DOT1L: variants seen among roughly 807,000 people sequenced by gnomAD.
The protein encoded by DOT1L is histone-lysine N-methyltransferase, H3 lysine-79 specific.
DOT1L carries 33 observed loss-of-function variants against 153.3 expected under a neutral mutation model. That is an observed-to-expected ratio of 0.22 (90% confidence interval 0.16 to 0.29). The LOEUF (loss-of-function observed/expected upper bound fraction) is 0.29, where lower values mean the gene tolerates loss of function less well. Among genes scored for constraint, DOT1L ranks in the 10% least tolerant of loss-of-function variants. The pLI, the probability that DOT1L is intolerant of heterozygous loss-of-function variation, is 1.00. For synonymous variants in DOT1L, 1,135 were observed against 965.1 expected (o/e 1.18, Z -3.26); for missense variants, 1,847 against 2,119.9 (o/e 0.87, Z 2.53).
At chr19:2,184,957 C>T (rs942645284) in intron 2 of DOT1L, among the ~76,000 whole-genome samples, 9 of 152,138 alleles carry the variant, frequency 5.9e-5, no homozygotes, top group African/African-American at 1.2e-4. Context: ...CAGCCCTTTG[C>T]GTCTCTATGG....
intron 2 of DOT1L, among the ~76,000 whole-genome samples, chr19:2,181,331 T>G (rs933072577): frequency 6.6e-6 from 1 of 152,158 alleles, no homozygotes. Context: ...GCCACATGTG[T>G]CCATGTGGCC....
At chr19:2,223,683 G>A (rs932640436) in intron 25 of DOT1L, among the ~76,000 whole-genome samples, 197 bp downstream of exon 25, 7 of 152,192 alleles carry the variant, frequency 4.6e-5, no homozygotes, top group African/African-American at 7.2e-5. Context: ...CCGGCCTCCC[G>A]GGCCATTCGG....
rs1017937058 is a variant in DOT1L at position 2,229,099 on chromosome 19, C to T, written c.4607-686C>T. 2.7e-5 allele frequency: 27 copies of T among 985,456 alleles called. 1 individual carries two copies. The South Asian group carries it at 4.7e-4, about 17-fold the overall frequency. The allele number at this position is 985,456 out of a possible 1,614,324, so 61.0% of individuals were successfully genotyped here. ...GCTCAGATGTCAGCACCAAGCTGGG[C>T]AGGTTAGTGTAGACGGTGCCCACCT... On this transcript the variant is annotated intron_variant, in intron 27 of 27. Transcript: ENST00000398665.
At chr19:2,214,056 T>C in intron 18 of DOT1L, 70 bp downstream of exon 18, 6 of 1,543,562 alleles carry the variant, frequency 3.9e-6, no homozygotes, top group Non-Finnish European at 5.3e-6. Flanking sequence ...GTGTCCTCTG[T>C]GCGGGTGGGA....
At chr19:2,203,258 C>T (rs888849192) in intron 9 of DOT1L, among the ~76,000 whole-genome samples, 1 of 152,228 alleles carries the variant, frequency 6.6e-6, no homozygotes, top group Non-Finnish European at 1.5e-5. Context: ...TGCCACCATG[C>T]CTGGCTAATT....
At chr19:2,228,418 A>T (rs2024459241) in intron 27 of DOT1L, 1 of 1,247,140 alleles carries the variant, frequency 8.0e-7, no homozygotes, top group Admixed American at 2.7e-5. Flanking sequence ...CTCACTCCAG[A>T]CACTGAACTG....
rs147261988 is a variant in DOT1L, at chr19:2,186,270, C to T, written c.200+341C>T. Among the ~76,000 whole-genome samples, 307 of 152,316 alleles carry T rather than the reference C, an allele frequency of 2.0e-3. 1 individual carries two copies. Among genetic ancestry groups the T allele is most frequent in the African/African-American group, 6.5e-3 (272 of 41,570 alleles). Reference sequence around the variant, plus strand: ...CCTGAGGCTGCTGGGAGGGCCTGGGCGGCCTTAGGCTGCTTGGCAGCTCTG... The same window carrying T: ...CCTGAGGCTGCTGGGAGGGCCTGGGTGGCCTTAGGCTGCTTGGCAGCTCTG... On this transcript the variant is annotated intron_variant, in intron 3 of 27. Transcript: ENST00000398665.
chr19:2,197,512 C>G lies in DOT1L; in HGVS notation c.652-2372C>G, dbSNP rs906228525. Among the ~76,000 whole-genome samples the G allele has an allele frequency of 2.0e-5, 3 of 152,192 alleles. No individual in the cohort carries two copies. Among genetic ancestry groups the G allele is most frequent in the African/African-American group, 4.8e-5 (2 of 41,452 alleles). ...GGTGGGGCTGCCGCAGCACTGCTCC[C>G]CCTTCTGCCTCATCTTGTCAGCGTC... On this transcript the variant is annotated intron_variant, in intron 7 of 27. Coordinates refer to ENST00000398665, the MANE Select transcript of DOT1L (RefSeq NM_032482.3). The surrounding 1 kb of genome is among the most constrained non-coding windows in gnomAD (Gnocchi z 4.1).
intron 7 of DOT1L, among the ~76,000 whole-genome samples, chr19:2,196,522 G>A (rs1439806763): frequency 6.6e-6 from 1 of 152,156 alleles, no homozygotes; most frequent in Non-Finnish European, 1.5e-5. Flanking sequence ...TAGTAGGGAT[G>A]GAGTTTCACC....
In DOT1L at chr19:2,227,990, C is replaced by G. The variant is rs558552074; in HGVS notation, c.4606+863C>G. Reference sequence around the variant, plus strand: ...CCGCGGGGCCGCCCGTCCTCCACGCCCCCCCTCCACCTAACGCCGCCTTGC... The same window carrying G: ...CCGCGGGGCCGCCCGTCCTCCACGCGCCCCCTCCACCTAACGCCGCCTTGC... On this transcript the variant is annotated intron_variant, in intron 27 of 27. Transcript: ENST00000398665. 15 of 1,280,968 alleles carry G rather than the reference C, an allele frequency of 1.2e-5. 1 individual carries two copies. The Admixed American group carries it at 1.6e-4, about 14-fold the overall frequency. 79.4% of individuals were successfully genotyped at this position (1,280,968 alleles called of 1,614,324 possible).
chr19:2,217,813 C>T lies in DOT1L; in HGVS notation c.2586C>T (p.Ile862=), dbSNP rs1447406856. 1.6e-5 allele frequency: 25 copies of T among 1,607,292 alleles called. No individual in the cohort carries two copies. The highest frequency in any genetic ancestry group is 2.1e-5 in the Non-Finnish European group (25 of 1,177,708). The change falls in exon 22 of 28, where the codon ATC becomes ATT. Residue 862 remains isoleucine (I), a synonymous_variant. Transcript: ENST00000398665. The surrounding 1 kb of genome is among the most constrained non-coding windows in gnomAD (Gnocchi z 7.3). The stretch of plus-strand genomic sequence containing the variant: ...CCTACGGCAGCAGCGGGGAGCTCAT[C>T]ACCAGCCTGCCCATCAGCATCCCGC... ...ERAYGSSGEL[I]TSLPISIPLS...
At chr19:2,194,649 C>T in intron 7 of DOT1L, 72 bp downstream of exon 7, 1 of 998,380 alleles carries the variant, frequency 1.0e-6, no homozygotes, top group Admixed American at 2.5e-5. Flanking sequence ...GTCAGCCCCT[C>T]CTTTCTTGCC....
intron 1 of DOT1L, among the ~76,000 whole-genome samples, chr19:2,174,787 T>TAA (rs79261543): frequency 0.04 from 5,265 of 133,016 alleles, 324 homozygotes; most frequent in African/African-American, 0.14. Flanking sequence ...CCCAGCTAGT[T>TAA]AAAAAAAAAA....
In DOT1L at chr19:2,223,703, C is replaced by T. The variant is rs144668096; in HGVS notation, c.3596+217C>T. On this transcript the variant is annotated intron_variant, in intron 25 of 27. Coordinates refer to ENST00000398665, the MANE Select transcript of DOT1L (RefSeq NM_032482.3). ...CTCCCGGGCCATTCGGGGTGGGACA[C>T]GAGCAGGGCCATCGGTTAGAAGAGG... 3.7e-3 allele frequency among the ~76,000 whole-genome samples: 556 copies of T among 152,254 alleles called. 3 individuals carry two copies. The highest frequency in any genetic ancestry group is 0.024 in the Middle Eastern group (7 of 294).
chr19:2,218,445 G>C (rs1415473199), intron 22 of DOT1L, among the ~76,000 whole-genome samples: 1 of 152,174 alleles, frequency 6.6e-6, no homozygotes, highest in Non-Finnish European at 1.5e-5. Context: ...CCAGGCTGGA[G>C]TGCAGTGGTG....
rs1599605409 is a variant in DOT1L, at chr19:2,217,459, C to T, written c.2545-313C>T. On this transcript the variant is annotated intron_variant, in intron 21 of 27. Transcript: ENST00000398665. The surrounding 1 kb of genome is among the most constrained non-coding windows in gnomAD (Gnocchi z 7.3). ...TGGAGAGGGAAGGACGGTGACGTTG[C>T]ATGGACTTGGCAGTGATGGATGTGG... 6.6e-6 allele frequency among the ~76,000 whole-genome samples: 1 copy of T among 152,166 alleles called. No individual in the cohort carries two copies. Among genetic ancestry groups the T allele is most frequent in the South Asian group, 2.1e-4 (1 of 4,830 alleles).
At chr19:2,206,019 CAG>C (rs1237981859) in intron 9 of DOT1L, among the ~76,000 whole-genome samples, 3 of 151,360 alleles carry the variant, frequency 2.0e-5, no homozygotes, top group Admixed American at 1.3e-4. Flanking sequence ...TCTTTTGAGG[CAG>C]AGTCTCTCTC....
rs552968741 is a variant in DOT1L, at chr19:2,181,916, C to T, written c.125+1160C>T. ...TCTGTGGGTGCTCCTCACAGAGGGC[C>T]GGGCAGTCTTTTTAAGAATGCTCAA... is the stretch of plus-strand genomic sequence containing the variant. On this transcript the variant is annotated intron_variant, in intron 2 of 27. Transcript: ENST00000398665. 1.2e-4 allele frequency among the ~76,000 whole-genome samples: 19 copies of T among 152,266 alleles called. No individual in the cohort carries two copies. The South Asian group carries it at 3.5e-3, about 28-fold the overall frequency.
chr19:2,182,808 C>G (rs1011397567), intron 2 of DOT1L, among the ~76,000 whole-genome samples: 1 of 152,136 alleles, frequency 6.6e-6, no homozygotes, highest in Non-Finnish European at 1.5e-5. Context: ...GTGAGAGTGC[C>G]TCTCTGGCTG....
Sources: allele counts gnomAD v4.1 joint callset (sites outside exome capture counted in the v4.1 genomes callset), GRCh38; gene constraint gnomAD v4.1.1; non-coding constraint Gnocchi (gnomAD v3.1); transcripts MANE v1.5; gene names NCBI Gene and HGNC (gene_info 2026-07-23, HGNC 2026-07-21).